NR6A1: variants seen among roughly 807,000 people sequenced by gnomAD.
NR6A1 encodes retinoic acid receptor-related testis-associated receptor.
Under a neutral mutation model 59.1 loss-of-function variants are expected in NR6A1, and 7 were observed. That is an observed-to-expected ratio of 0.12 (90% confidence interval 0.07 to 0.22). NR6A1 has a LOEUF of 0.22. NR6A1 is among the 10% of genes least tolerant of loss of function. The probability of loss-of-function intolerance (pLI) is 1.00; values close to 1 mark genes in which losing one functional copy is unlikely to be tolerated. For missense variants in NR6A1, 468 were observed against 611.6 expected, an observed-to-expected ratio of 0.77 and a Z score of 2.48; for synonymous variants, 243 against 236.1, an observed-to-expected ratio of 1.03 and a Z score of -0.27.
chr9:124,764,533 G>A (rs543782562), intron 1 of NR6A1, among the ~76,000 whole-genome samples: 2 of 152,294 alleles, frequency 1.3e-5, no homozygotes, highest in African/African-American at 2.4e-5. Context: ...GAAATAAAAA[G>A]CTGGGAAGAT....
At chr9:124,728,193 AT>A (rs578136557) in intron 2 of NR6A1, among the ~76,000 whole-genome samples, 3 of 141,884 alleles carry the variant, frequency 2.1e-5, no homozygotes, top group Admixed American at 7.0e-5. Flanking sequence ...CACCTGGCTA[AT>A]TTTTTTTTGT....
intron 2 of NR6A1, among the ~76,000 whole-genome samples, chr9:124,721,406 C>T (rs1839559588): frequency 6.6e-6 from 1 of 152,120 alleles, no homozygotes. Context: ...AGCAAAAGGC[C>T]ACATTCAGAA....
chr9:124,707,733 T>C (rs1839175085), intron 2 of NR6A1, among the ~76,000 whole-genome samples: 1 of 152,212 alleles, frequency 6.6e-6, no homozygotes, highest in African/African-American at 2.4e-5. Context: ...CTGCAATGTG[T>C]AGTTCCTGAT....
At chr9:124,672,308 G>T (rs1314717225) in intron 2 of NR6A1, among the ~76,000 whole-genome samples, 1 of 151,934 alleles carries the variant, frequency 6.6e-6, no homozygotes, top group Non-Finnish European at 1.5e-5. Flanking sequence ...ATTTTTGTTG[G>T]GTATATGCCT....
At chr9:124,531,239 G>A (rs1364526232) in intron 7 of NR6A1, among the ~76,000 whole-genome samples, 1 of 152,216 alleles carries the variant, frequency 6.6e-6, no homozygotes, top group Non-Finnish European at 1.5e-5. Context: ...CTAGCTCAAG[G>A]CATCTTCTCC....
chr9:124,605,525 C>CA (rs1452722995), intron 2 of NR6A1, among the ~76,000 whole-genome samples: 2 of 151,914 alleles, frequency 1.3e-5, no homozygotes, highest in East Asian at 3.9e-4. Context: ...CTCTTAAAAA[C>CA]AAAAAACCCT....
chr9:124,759,681 A>G (rs1840734229), intron 1 of NR6A1, among the ~76,000 whole-genome samples: 1 of 151,984 alleles, frequency 6.6e-6, no homozygotes, highest in Non-Finnish European at 1.5e-5. Flanking sequence ...ATTCCTTAGC[A>G]CCCCTTGGGT....
intron 2 of NR6A1, among the ~76,000 whole-genome samples, chr9:124,726,921 A>C (rs1346289607): frequency 1.3e-5 from 2 of 152,202 alleles, no homozygotes; most frequent in Non-Finnish European, 2.9e-5. Context: ...TTTCTGATGG[A>C]AATAATAGAA....
chr9:124,705,149 T>C (rs1839086391), intron 2 of NR6A1, among the ~76,000 whole-genome samples: 1 of 152,260 alleles, frequency 6.6e-6, no homozygotes, highest in Admixed American at 6.5e-5. Flanking sequence ...GAATCTCTAA[T>C]TTAACTCCCT....
intron 2 of NR6A1, among the ~76,000 whole-genome samples, chr9:124,639,631 T>C (rs1416495781): frequency 2.0e-5 from 3 of 151,836 alleles, no homozygotes; most frequent in Non-Finnish European, 2.9e-5. Flanking sequence ...AGCAAAGGAG[T>C]AGCCAGTGAG....
chr9:124,654,573 T>C (rs1212104935), intron 2 of NR6A1, among the ~76,000 whole-genome samples: 1 of 152,166 alleles, frequency 6.6e-6, no homozygotes, highest in Non-Finnish European at 1.5e-5. Context: ...TGGCTCTTTG[T>C]AGGCTGAGGT....
intron 2 of NR6A1, among the ~76,000 whole-genome samples, chr9:124,655,455 T>C (rs1449924409): frequency 6.6e-6 from 1 of 152,178 alleles, no homozygotes; most frequent in African/African-American, 2.4e-5. Flanking sequence ...AAAAACCCAA[T>C]ACAAATTATT....
chr9:124,694,956 C>T lies in NR6A1; in HGVS notation c.142+38352G>A, dbSNP rs532888730. Among the ~76,000 whole-genome samples the T allele has an allele frequency of 5.3e-5, 8 of 152,272 alleles. No individual in the cohort carries two copies. In the East Asian group the frequency reaches 9.6e-4, roughly 18 times the overall value. ...CAGTGTTTCCCAAACTTCTTGTACA[C>T]CAGAATCATCTAGAGTTGCTTTTAA... is the stretch of plus-strand genomic sequence containing the variant. On this transcript the variant is annotated intron_variant, in intron 2 of 9. Transcript: ENST00000487099.
At chr9:124,644,658 A>G (rs71495530) in intron 2 of NR6A1, among the ~76,000 whole-genome samples, 3,674 of 152,280 alleles carry the variant, frequency 0.024, 58 homozygotes, top group Non-Finnish European at 0.037. Context: ...CCAGCTGCAC[A>G]ACGGAGAAGC....
At position 124,521,833 on chromosome 9, in the gene NR6A1, GC is replaced by G. The variant is rs1040869777; in HGVS notation, c.*871del. 3.9e-5 allele frequency: 6 copies of G among 152,366 alleles called. No homozygotes were observed. Among genetic ancestry groups the G allele is most frequent in the African/African-American group, 1.4e-4 (6 of 41,546 alleles). The allele number at this position is 152,366 out of a possible 1,614,324, so 9.4% of individuals were successfully genotyped here. A position where few individuals can be genotyped will look rare whatever the true frequency, so the allele number is the denominator to read the frequency against. On this transcript the variant is annotated 3_prime_UTR_variant, in exon 10 of 10. Coordinates refer to ENST00000487099, the MANE Select transcript of NR6A1 (RefSeq NM_033334.4). ...AAGGGAGTGGGAAGGAGGAAGGTGG[GC>G]CTCAGGAGATCCAGGTAAGGAAACT...
intron 2 of NR6A1, among the ~76,000 whole-genome samples, chr9:124,629,792 A>AG (rs1483326777): frequency 6.6e-6 from 1 of 152,226 alleles, no homozygotes; most frequent in African/African-American, 2.4e-5. Flanking sequence ...AGTTTGAAGA[A>AG]CAACTATGCC....
chr9:124,702,380 T>C (rs1838988121), intron 2 of NR6A1, among the ~76,000 whole-genome samples: 1 of 152,202 alleles, frequency 6.6e-6, no homozygotes, highest in Admixed American at 6.5e-5. Context: ...CTCCACTGAA[T>C]TGCCTTGGTA....
At chr9:124,598,853 A>G in intron 2 of NR6A1, 1 of 733,874 alleles carries the variant, frequency 1.4e-6, no homozygotes, top group South Asian at 1.4e-5. Context: ...GCATTCTTCA[A>G]ACTTTGTTTT....
chr9:124,696,426 G>A (rs761809062), intron 2 of NR6A1, among the ~76,000 whole-genome samples: 6 of 151,794 alleles, frequency 4.0e-5, no homozygotes, highest in Non-Finnish European at 8.8e-5. Flanking sequence ...CATCCTGTTC[G>A]GTGTATAGCC....
Sources: gnomAD v4.1 joint callset for allele counts (sites outside exome capture counted in the v4.1 genomes callset) on GRCh38, gnomAD v4.1.1 for gene constraint, MANE v1.5 for transcripts, NCBI Gene and HGNC (gene_info 2026-07-23, HGNC 2026-07-21) for gene names.